Variants in PKHD1 observed in about 807,000 individuals in gnomAD.
PKHD1 encodes the protein PKHD1 ciliary IPT domain containing fibrocystin/polyductin, also known as fibrocystin.
In PKHD1, 291 loss-of-function variants were observed where a neutral mutation model predicts 412.0. The observed-to-expected ratio is 0.71, with a 90% CI of 0.64 to 0.78. PKHD1 has a LOEUF of 0.78. Ranked by LOEUF, PKHD1 falls within the 30% of genes least tolerant of loss-of-function variation. PKHD1 has a pLI of 0.00. For missense variants in PKHD1, 4,825 were observed against 4,950.7 expected (o/e 0.97, Z 0.76); for synonymous variants, 1,777 against 1,821.5 (o/e 0.98, Z 0.62).
intron 41 of PKHD1, among the ~76,000 whole-genome samples, chr6:51,905,952 A>G (rs1255430470): frequency 6.6e-6 from 1 of 152,200 alleles, no homozygotes; most frequent in African/African-American, 2.4e-5. Flanking sequence ...TGTGAAAATT[A>G]CTGGTAGTAA....
At chr6:51,884,804 A>G (rs1347976813) in intron 45 of PKHD1, among the ~76,000 whole-genome samples, 6 of 152,170 alleles carry the variant, frequency 3.9e-5, no homozygotes, top group African/African-American at 1.2e-4. Context: ...GCAGGTATAA[A>G]TCACTTCTCT....
rs137852950 is a variant in PKHD1 at position 51,659,714 on chromosome 6, A to C, written c.10412T>G (p.Val3471Gly). The change falls in exon 61 of 67, where the codon GTC (valine) becomes GGC (glycine). Residue 3471 changes from valine (V) to glycine (G), a missense_variant. Val to Gly is a moderately radical substitution (Grantham distance 109, BLOSUM62 -3). Transcript: ENST00000371117. ...TTGAGGAGTTTGATCCATGAAGCAG[A>C]CTTTGGTGATTTGCCTGATGGGTAA... ...SILPIRQITKVCFMDQTPQVL... is the reference protein window; with the variant it reads ...SILPIRQITKGCFMDQTPQVL... 3.3e-5 allele frequency: 54 copies of C among 1,613,742 alleles called. No homozygotes were observed.
At chr6:51,853,416 C>A (rs1467946924) in intron 49 of PKHD1, among the ~76,000 whole-genome samples, 4 of 152,146 alleles carry the variant, frequency 2.6e-5, no homozygotes, top group Non-Finnish European at 5.9e-5. Context: ...TTGGTCTTCT[C>A]ATAGAGTGTC....
At chr6:51,713,547 T>C (rs1336368980) in intron 60 of PKHD1, among the ~76,000 whole-genome samples, 1 of 152,218 alleles carries the variant, frequency 6.6e-6, no homozygotes, top group East Asian at 1.9e-4. Flanking sequence ...ACATTGATAA[T>C]CTAGCTTTGA....
chr6:51,859,294 AG>A (rs977188195), intron 48 of PKHD1, among the ~76,000 whole-genome samples: 15 of 152,148 alleles, frequency 9.9e-5, no homozygotes, highest in African/African-American at 3.6e-4. Context: ...TGGGACGCCG[AG>A]GCGGGTGGAT....
At chr6:51,808,507 A>ATC (rs1213142705) in intron 52 of PKHD1, among the ~76,000 whole-genome samples, 1 of 102,720 alleles carries the variant, frequency 9.7e-6, no homozygotes, top group African/African-American at 3.2e-5. Flanking sequence ...TTAAAAAAGA[A>ATC]TCTCTCACAC....
At chr6:52,007,925 G>A (rs780658149) in intron 35 of PKHD1, among the ~76,000 whole-genome samples, 11 of 152,118 alleles carry the variant, frequency 7.2e-5, no homozygotes, top group East Asian at 1.9e-4. Context: ...GGAGCTAAAC[G>A]CAGCCATAAG....
At chr6:51,881,450 T>C (rs1298236857) in intron 46 of PKHD1, among the ~76,000 whole-genome samples, 1 of 152,188 alleles carries the variant, frequency 6.6e-6, no homozygotes, top group Non-Finnish European at 1.5e-5. Context: ...TTGTTGGAGA[T>C]TTTGGGAAAT....
intron 60 of PKHD1, among the ~76,000 whole-genome samples, chr6:51,675,061 G>A (rs1470160794): frequency 6.6e-6 from 1 of 152,008 alleles, no homozygotes; most frequent in African/African-American, 2.4e-5. Context: ...ATTTTCCTAG[G>A]TCACCTTTAA....
At chr6:52,068,216 G>C (rs757047036) in intron 11 of PKHD1, among the ~76,000 whole-genome samples, 14 of 152,162 alleles carry the variant, frequency 9.2e-5, no homozygotes, top group Non-Finnish European at 1.8e-4. Flanking sequence ...GGCTTAACTA[G>C]TGATTGAATG....
At chr6:51,739,088 T>C (rs938905818) in intron 60 of PKHD1, among the ~76,000 whole-genome samples, 2 of 147,834 alleles carry the variant, frequency 1.4e-5, no homozygotes, top group African/African-American at 4.9e-5. Context: ...TTATATATTT[T>C]AATATGTATT....
intron 43 of PKHD1, among the ~76,000 whole-genome samples, chr6:51,897,351 C>T (rs1562562629): frequency 6.6e-6 from 1 of 151,974 alleles, no homozygotes. Flanking sequence ...AGTGTGGGGG[C>T]CAATATTCAA....
chr6:52,064,686 G>A lies in PKHD1; in HGVS notation c.976+269C>T, dbSNP rs568909443. Reference sequence around the variant, plus strand: ...CAGTAGCTATAACAATATCTTGAGGGCAGTTATGCTTTCTAGACCATGGTC... The same window carrying A: ...CAGTAGCTATAACAATATCTTGAGGACAGTTATGCTTTCTAGACCATGGTC... On this transcript the variant is annotated intron_variant, in intron 13 of 66. Coordinates refer to ENST00000371117, the MANE Select transcript of PKHD1 (RefSeq NM_138694.4). Among the ~76,000 whole-genome samples, 15 of 151,878 alleles carry A rather than the reference G, an allele frequency of 9.9e-5. No individual in the cohort carries two copies. The South Asian group carries it at 3.1e-3, about 32-fold the overall frequency.
At chr6:51,890,824 G>A (rs572532156) in intron 43 of PKHD1, among the ~76,000 whole-genome samples, 1 of 152,292 alleles carries the variant, frequency 6.6e-6, no homozygotes, top group South Asian at 2.1e-4. Context: ...GAGGATGAGG[G>A]TTCTGGAATT....
At position 52,050,120 on chromosome 6, in the gene PKHD1, TAGG is replaced by T. The variant is rs576742030; in HGVS notation, c.2279+34_2279+36del. 850 of 1,609,416 alleles carry T rather than the reference TAGG, an allele frequency of 5.3e-4. 6 individuals carry two copies. In the African/African-American group the frequency reaches 0.01, roughly 19 times the overall value. On this transcript the variant is annotated intron_variant, in intron 22 of 66. Coordinates refer to ENST00000371117, the MANE Select transcript of PKHD1 (RefSeq NM_138694.4). ...GTCCCTCAAGGCCAACAAGCATTCTTAGGAGAAGGGACAGGTGTAAAAAAGCCA... is the reference window on the plus strand; with the variant it reads ...GTCCCTCAAGGCCAACAAGCATTCTTAGAAGGGACAGGTGTAAAAAAGCCA...
In PKHD1 at chr6:51,616,736, AC is replaced by A. The variant is rs553715122; in HGVS notation, c.*2344del. On this transcript the variant is annotated 3_prime_UTR_variant, in exon 67 of 67. Coordinates refer to ENST00000371117, the MANE Select transcript of PKHD1 (RefSeq NM_138694.4). ...TAGTAAGATAATTATGGTTATTCCT[AC>A]GCAGAGGGATAGGATAAAACATGCC... 315 of 398,432 alleles carry A rather than the reference AC, an allele frequency of 7.9e-4. 1 individual carries two copies. The highest frequency in any genetic ancestry group is 6.0e-3 in the African/African-American group (293 of 48,738). 24.7% of individuals were successfully genotyped at this position (398,432 alleles called of 1,614,324 possible).
chr6:51,747,697 C>A (rs1413529159), intron 58 of PKHD1, 90 bp downstream of exon 58: 1 of 1,153,890 alleles, frequency 8.7e-7, no homozygotes. Flanking sequence ...CACAATGTAC[C>A]TTTTTGTTGA....
At chr6:51,805,375 G>C (rs1763609917) in intron 52 of PKHD1, among the ~76,000 whole-genome samples, 1 of 152,080 alleles carries the variant, frequency 6.6e-6, no homozygotes, top group Non-Finnish European at 1.5e-5. Context: ...GAGACTGCTA[G>C]AGACGGAAAG....
intron 36 of PKHD1, among the ~76,000 whole-genome samples, chr6:51,949,477 C>A (rs1789984989): frequency 6.6e-6 from 1 of 152,120 alleles, no homozygotes; most frequent in Non-Finnish European, 1.5e-5. Flanking sequence ...GAAAGAGGAG[C>A]ATTTAGAGAA....
Sources: allele counts gnomAD v4.1 joint callset (sites outside exome capture counted in the v4.1 genomes callset), GRCh38; gene constraint gnomAD v4.1.1; transcripts MANE v1.5; gene names NCBI Gene and HGNC (gene_info 2026-07-23, HGNC 2026-07-21).